Variants in CSMD1 observed in about 807,000 individuals in gnomAD.
CSMD1 encodes the protein CUB and Sushi multiple domains 1.
In CSMD1, 213 loss-of-function variants were observed where a neutral mutation model predicts 417.5. The observed-to-expected ratio is 0.51, with a 90% CI of 0.46 to 0.57. The LOEUF is 0.57. Ranked by LOEUF, CSMD1 falls within the 20% of genes least tolerant of loss-of-function variation. The probability of loss-of-function intolerance (pLI) is 0.00; values close to 1 mark genes in which losing one functional copy is unlikely to be tolerated. For missense variants in CSMD1, 6,923 were observed against 4,529.7 expected (o/e 1.53, Z -15.17); for synonymous variants, 2,862 against 1,736.8 (o/e 1.65, Z -16.11).
At chr8:4,710,269 T>G (rs1358244528) in intron 1 of CSMD1, among the ~76,000 whole-genome samples, 2 of 151,876 alleles carry the variant, frequency 1.3e-5, no homozygotes, top group East Asian at 3.9e-4. Flanking sequence ...ACATTTTATA[T>G]ACATTTGCAT....
At chr8:4,638,969 T>A (rs558000136) in intron 1 of CSMD1, among the ~76,000 whole-genome samples, 2 of 152,184 alleles carry the variant, frequency 1.3e-5, no homozygotes, top group Admixed American at 6.5e-5. Flanking sequence ...GAGTAAATTG[T>A]AGGCCCCAGG....
At chr8:4,394,275 A>T (rs947909862) in intron 3 of CSMD1, among the ~76,000 whole-genome samples, 19 of 152,208 alleles carry the variant, frequency 1.2e-4, no homozygotes, top group African/African-American at 4.6e-4. Flanking sequence ...ATTGACATAT[A>T]TAATGAAGTT....
chr8:3,382,432 A>T (rs1222314896), intron 18 of CSMD1, among the ~76,000 whole-genome samples: 1 of 143,568 alleles, frequency 7.0e-6, no homozygotes, highest in Non-Finnish European at 1.5e-5. Context: ...AATATATTAT[A>T]TAATAACATA....
At chr8:4,053,878 G>C (rs1046811415) in intron 3 of CSMD1, among the ~76,000 whole-genome samples, 2 of 152,128 alleles carry the variant, frequency 1.3e-5, no homozygotes, top group African/African-American at 4.8e-5. Flanking sequence ...CATGAAATTA[G>C]TTGCTATAAT....
chr8:4,286,473 C>G (rs901650772), intron 3 of CSMD1, among the ~76,000 whole-genome samples: 1 of 152,080 alleles, frequency 6.6e-6, no homozygotes, highest in Admixed American at 6.6e-5. Context: ...CATTGTGCCT[C>G]TTCATTTTAA....
At chr8:3,907,284 A>T (rs967140511) in intron 5 of CSMD1, among the ~76,000 whole-genome samples, 4 of 152,186 alleles carry the variant, frequency 2.6e-5, no homozygotes. Flanking sequence ...CATTTTTAAG[A>T]CTTTTTAAGA....
chr8:4,370,520 T>A (rs1443123417), intron 3 of CSMD1, among the ~76,000 whole-genome samples: 1 of 152,262 alleles, frequency 6.6e-6, no homozygotes, highest in African/African-American at 2.4e-5. Flanking sequence ...ATGGACTATA[T>A]GTTCAAATGT....
At chr8:4,338,152 T>C (rs1343411587) in intron 3 of CSMD1, among the ~76,000 whole-genome samples, 1 of 152,134 alleles carries the variant, frequency 6.6e-6, no homozygotes, top group Non-Finnish European at 1.5e-5. Flanking sequence ...CAAAGCATGG[T>C]AGTAGAGAAT....
chr8:4,821,857 C>T (rs1431449456), intron 1 of CSMD1, among the ~76,000 whole-genome samples: 4 of 152,198 alleles, frequency 2.6e-5, no homozygotes, highest in Non-Finnish European at 5.9e-5. Context: ...CCTGTCCCCA[C>T]TGCCTCCACA....
intron 3 of CSMD1, among the ~76,000 whole-genome samples, chr8:4,033,564 G>A (rs1044406695): frequency 2.0e-5 from 3 of 152,180 alleles, no homozygotes; most frequent in African/African-American, 4.8e-5. Flanking sequence ...ATTGATTGAT[G>A]TCTTATGTCT....
chr8:3,365,536 A>G (rs1355972812), intron 20 of CSMD1, among the ~76,000 whole-genome samples: 3 of 152,236 alleles, frequency 2.0e-5, no homozygotes, highest in Non-Finnish European at 2.9e-5. Flanking sequence ...CAATAAATAC[A>G]TTGACAATTT....
Position 3,308,518 on chromosome 8 carries a change from G to A in CSMD1, c.3632-15C>T, listed in dbSNP as rs371433976. On this transcript the variant is annotated splice_polypyrimidine_tract_variant and intron_variant, in intron 23 of 69. Coordinates refer to ENST00000635120, the MANE Select transcript of CSMD1 (RefSeq NM_033225.6). ...CAGATCAAAACCTGCAAGAGAGAAA[G>A]GCAAGGAATGAACAGAACTCAAGGG... 19 of 1,600,282 alleles carry A rather than the reference G, an allele frequency of 1.2e-5. No homozygotes were observed. Among genetic ancestry groups the A allele is most frequent in the Non-Finnish European group, 1.5e-5 (18 of 1,170,130 alleles).
At chr8:3,180,227 T>A (rs529287866) in intron 37 of CSMD1, among the ~76,000 whole-genome samples, 1 of 152,376 alleles carries the variant, frequency 6.6e-6, no homozygotes, top group East Asian at 1.9e-4. Flanking sequence ...GATCTGTGAA[T>A]CTGACCTTTG....
At chr8:4,727,015 T>C (rs1809503581) in intron 1 of CSMD1, among the ~76,000 whole-genome samples, 1 of 152,172 alleles carries the variant, frequency 6.6e-6, no homozygotes, top group Non-Finnish European at 1.5e-5. Context: ...CATACTGGAA[T>C]ACCAGCAGAA....
intron 4 of CSMD1, among the ~76,000 whole-genome samples, chr8:4,003,290 G>C (rs983221239): frequency 1.3e-5 from 2 of 152,068 alleles, no homozygotes; most frequent in South Asian, 2.1e-4. Flanking sequence ...CTACTCGCGA[G>C]GCTGAGGCAG....
intron 4 of CSMD1, among the ~76,000 whole-genome samples, chr8:4,015,930 G>A (rs1158059268): frequency 3.3e-5 from 5 of 152,134 alleles, no homozygotes; most frequent in Admixed American, 6.5e-5. Context: ...ACAACAAAAT[G>A]TCTCTTCAAC....
intron 3 of CSMD1, among the ~76,000 whole-genome samples, chr8:4,293,336 G>A (rs751393843): frequency 1.3e-5 from 2 of 152,152 alleles, no homozygotes; most frequent in African/African-American, 2.4e-5. Flanking sequence ...AATTACTTGT[G>A]CAAATATTAA....
chr8:3,448,617 A>G (rs900969502), intron 12 of CSMD1, among the ~76,000 whole-genome samples: 1 of 152,094 alleles, frequency 6.6e-6, no homozygotes, highest in Non-Finnish European at 1.5e-5. Flanking sequence ...CATGCCATGC[A>G]AAGGTGAGAG....
chr8:3,813,336 G>C (rs1221747529), intron 5 of CSMD1, among the ~76,000 whole-genome samples: 2 of 152,060 alleles, frequency 1.3e-5, no homozygotes, highest in Non-Finnish European at 1.5e-5. Context: ...CTGTTATACT[G>C]CAAGTAAATT....
Sources: allele counts gnomAD v4.1 joint callset (sites outside exome capture counted in the v4.1 genomes callset), GRCh38; gene constraint gnomAD v4.1.1; transcripts MANE v1.5; gene names NCBI Gene and HGNC (gene_info 2026-07-23, HGNC 2026-07-21).